The following NTAQ1 variants were observed in gnomAD, a reference collection of about 807,000 sequenced individuals.
The protein encoded by NTAQ1 is N-terminal glutamine amidase 1.
NTAQ1 carries 21 observed loss-of-function variants against 28.2 expected under a neutral mutation model. The observed-to-expected ratio is 0.74, with a 90% confidence interval of 0.53 to 1.07. NTAQ1 has a LOEUF of 1.07. NTAQ1 is among the 50% of genes least tolerant of loss of function. The pLI is 0.00. For synonymous variants in NTAQ1, 105 were observed against 90.0 expected, an observed-to-expected ratio of 1.17 and a Z score of -0.94; for missense variants, 264 against 256.6, an observed-to-expected ratio of 1.03 and a Z score of -0.20.
chr8:123,469,942 A>G (rs1049032925), exon 7 of NTAQ1, among the ~76,000 whole-genome samples: 7 of 152,208 alleles, frequency 4.6e-5, no homozygotes, highest in African/African-American at 7.2e-5. Context: ...GTCCCCCAAA[A>G]TGTACATGTT....
intron 6 of NTAQ1, among the ~76,000 whole-genome samples, chr8:123,456,756 T>C (rs1174416768): frequency 1.3e-5 from 2 of 152,220 alleles, no homozygotes; most frequent in Non-Finnish European, 2.9e-5. Context: ...TCTAGGCATC[T>C]TGGAAACTTT....
intron 1 of NTAQ1, among the ~76,000 whole-genome samples, chr8:123,420,733 C>G (rs552517085): frequency 6.6e-6 from 1 of 151,796 alleles, no homozygotes; most frequent in African/African-American, 2.4e-5. Context: ...GCTGGGAGTA[C>G]AGGTGGGCAT....
rs1162494538 is a variant in NTAQ1, at chr8:123,427,521, G to A, written c.84-403G>A. On this transcript the variant is annotated intron_variant, in intron 1 of 5. Coordinates refer to ENST00000287387, the MANE Select transcript of NTAQ1 (RefSeq NM_018024.3). ...CTGACCTCGTGATCCGCCCGCCTCGGCCTCCCAAAGTGCTGGGATTACTGG... is the reference window on the plus strand; with the variant it reads ...CTGACCTCGTGATCCGCCCGCCTCGACCTCCCAAAGTGCTGGGATTACTGG... 2.6e-5 allele frequency among the ~76,000 whole-genome samples: 4 copies of A among 152,260 alleles called. No homozygotes were observed. In the East Asian group the frequency reaches 7.7e-4, roughly 29 times the overall value.
chr8:123,428,788 G>C (rs1814224456), intron 2 of NTAQ1, among the ~76,000 whole-genome samples: 1 of 151,832 alleles, frequency 6.6e-6, no homozygotes, highest in Non-Finnish European at 1.5e-5. Flanking sequence ...TTTCAGTAGA[G>C]ACAGGCTTTC....
At chr8:123,420,540 A>G (rs1322926526) in intron 1 of NTAQ1, among the ~76,000 whole-genome samples, 1 of 151,052 alleles carries the variant, frequency 6.6e-6, no homozygotes, top group East Asian at 1.9e-4. Context: ...CCAGGAGTGT[A>G]TAAGCATCCC....
the NTAQ1 span, among the ~76,000 whole-genome samples, chr8:123,475,456 A>C: frequency 2.6e-5 from 4 of 152,144 alleles, no homozygotes; most frequent in African/African-American, 9.7e-5. Flanking sequence ...AGAGTTTGGA[A>C]ATATATGCAG....
At chr8:123,446,959 A>G (rs1263886516), downstream of NTAQ1, among the ~76,000 whole-genome samples, 2 of 152,100 alleles carry the variant, frequency 1.3e-5, no homozygotes, top group Non-Finnish European at 2.9e-5. Flanking sequence ...TGATCTCTCC[A>G]TGCTGATTGC....
chr8:123,434,745 A>G (rs995278936), intron 3 of NTAQ1, among the ~76,000 whole-genome samples: 3 of 152,204 alleles, frequency 2.0e-5, no homozygotes, highest in African/African-American at 7.2e-5. Context: ...ATTCGTGGGA[A>G]GAAAGCCTTT....
intron 1 of NTAQ1, among the ~76,000 whole-genome samples, chr8:123,421,813 C>T (rs746164837): frequency 8.6e-5 from 13 of 151,660 alleles, no homozygotes; most frequent in Non-Finnish European, 1.3e-4. Context: ...CTCAGCCTCC[C>T]GAGTAGCTGG....
rs1306463626 is a variant in NTAQ1 at position 123,427,969 on chromosome 8, C to T, written c.129C>T (p.Asp43=). 1 of 1,611,014 alleles carries T rather than the reference C, an allele frequency of 6.2e-7. No individual in the cohort carries two copies. The highest frequency in any genetic ancestry group is 1.1e-5 in the South Asian group (1 of 90,166). ...TCTGTGAATACATCAAAAACCATGA[C>T]CAGTATCCTTTAGAAGAATGTTATG... The part of the protein sequence containing the change: ...WKLCEYIKNH[D]QYPLEECYAV... Residue 43 remains aspartate, a synonymous_variant, in exon 2 of 6, where the codon GAC becomes GAT. Transcript: ENST00000287387.
exon 7 of NTAQ1, among the ~76,000 whole-genome samples, chr8:123,468,063 G>T (rs960561224): frequency 6.6e-6 from 1 of 152,190 alleles, no homozygotes; most frequent in Non-Finnish European, 1.5e-5. Flanking sequence ...GAAGCAGGAG[G>T]CCAGATCAAG....
chr8:123,472,657 A>G (rs375623703), downstream of NTAQ1, among the ~76,000 whole-genome samples: 1 of 152,190 alleles, frequency 6.6e-6, no homozygotes, highest in Non-Finnish European at 1.5e-5. Flanking sequence ...TTTAAGGTCC[A>G]CCATAATCCA....
intron 6 of NTAQ1, among the ~76,000 whole-genome samples, chr8:123,457,861 G>C (rs1472722468): frequency 6.6e-6 from 1 of 151,366 alleles, no homozygotes. Context: ...TGGTGAAACT[G>C]CATCTCTGCT....
At chr8:123,464,277 G>C (rs1182166808) in intron 6 of NTAQ1, among the ~76,000 whole-genome samples, 1 of 152,210 alleles carries the variant, frequency 6.6e-6, no homozygotes, top group Admixed American at 6.5e-5. Context: ...CCCTGGGACA[G>C]AGATGTGATC....
At chr8:123,443,254 A>G (rs547875652), downstream of NTAQ1, among the ~76,000 whole-genome samples, 92 of 152,052 alleles carry the variant, frequency 6.1e-4, no homozygotes, top group Non-Finnish European at 1.1e-3. Context: ...TCCTGACCTC[A>G]GGTGATCTGC....
intron 1 of NTAQ1, among the ~76,000 whole-genome samples, chr8:123,424,199 A>G (rs1303943198): frequency 6.7e-6 from 1 of 148,758 alleles, no homozygotes; most frequent in African/African-American, 2.5e-5. Flanking sequence ...CAGCCTCCCA[A>G]GTAGCTGGGA....
Position 123,457,724 on chromosome 8 carries a change from G to GAA in NTAQ1, c.373-9354_373-9353dup, listed in dbSNP as rs1815689033. The stretch of plus-strand genomic sequence containing the variant: ...TGTTTTTAAGTGTTGTAAGCCCTGT[G>GAA]AATATATTACTTATTAAGGGTAGAA... On this transcript the variant is annotated intron_variant, in intron 6 of 6. Transcript: ENST00000650311. Among the ~76,000 whole-genome samples, 3 of 152,208 alleles carry GAA rather than the reference G, an allele frequency of 2.0e-5. No individual in the cohort carries two copies. The South Asian group carries it at 6.2e-4, about 32-fold the overall frequency.
intron 3 of NTAQ1, among the ~76,000 whole-genome samples, chr8:123,436,039 C>A (rs776670195): frequency 6.8e-6 from 1 of 148,080 alleles, no homozygotes; most frequent in Non-Finnish European, 1.5e-5. Flanking sequence ...CATCGTGGTG[C>A]GCGCTTGTAA....
intron 3 of NTAQ1, among the ~76,000 whole-genome samples, chr8:123,433,637 G>A (rs192328656): frequency 7.2e-5 from 11 of 152,084 alleles, no homozygotes; most frequent in East Asian, 5.8e-4. Context: ...TAGTAGAGAC[G>A]GGGTCTCACT....
Sources: allele counts gnomAD v4.1 joint callset (sites outside exome capture counted in the v4.1 genomes callset), GRCh38; gene constraint gnomAD v4.1.1; transcripts MANE v1.5; gene names NCBI Gene and HGNC (gene_info 2026-07-23, HGNC 2026-07-21).